The following CATSPERE variants were observed in gnomAD, a reference collection of about 807,000 sequenced individuals.
CATSPERE encodes catsper channel auxiliary subunit epsilon.
Under a neutral mutation model 114.1 loss-of-function variants are expected in CATSPERE, and 93 were observed. The observed-to-expected ratio is 0.81, with a 90% CI of 0.69 to 0.97. The LOEUF (loss-of-function observed/expected upper bound fraction) is 0.97. CATSPERE is among the 50% of genes least tolerant of loss of function. CATSPERE has a pLI of 0.00. For missense variants in CATSPERE, 1,058 were observed against 1,131.6 expected (o/e 0.93, Z 0.93); for synonymous variants, 341 against 384.1 (o/e 0.89, Z 1.31).
intron 9 of CATSPERE, 60 bp downstream of exon 9, chr1:244,552,874 A>G: frequency 1.1e-6 from 1 of 913,418 alleles, no homozygotes; most frequent in Non-Finnish European, 1.4e-6. Context: ...GGTATTTACC[A>G]TACCATTTAC....
intron 20 of CATSPERE, among the ~76,000 whole-genome samples, chr1:244,625,277 A>G (rs1672961033): frequency 6.6e-6 from 1 of 150,652 alleles, no homozygotes; most frequent in Non-Finnish European, 1.5e-5. Flanking sequence ...TGAAAACAAC[A>G]TTGATCTTGA....
chr1:244,535,119 C>G (rs989871169), intron 8 of CATSPERE, among the ~76,000 whole-genome samples: 5 of 152,226 alleles, frequency 3.3e-5, no homozygotes, highest in African/African-American at 1.2e-4. Context: ...CAGAATCTCT[C>G]TCTCTCTCTC....
chr1:244,626,011 C>T (rs1673151899), intron 20 of CATSPERE, among the ~76,000 whole-genome samples: 2 of 152,074 alleles, frequency 1.3e-5, no homozygotes, highest in Non-Finnish European at 2.9e-5. Flanking sequence ...TTTGTTATTC[C>T]ACTTATAGAG....
intron 8 of CATSPERE, among the ~76,000 whole-genome samples, chr1:244,538,407 G>A (rs993228877): frequency 6.6e-6 from 1 of 152,146 alleles, no homozygotes; most frequent in Non-Finnish European, 1.5e-5. Context: ...GTAGTGTTTA[G>A]CAATTCTGTT....
intron 20 of CATSPERE, among the ~76,000 whole-genome samples, chr1:244,624,253 G>A (rs1672801882): frequency 6.6e-6 from 1 of 151,446 alleles, no homozygotes; most frequent in Admixed American, 6.6e-5. Flanking sequence ...TTACAGGCGT[G>A]AGCCACCACG....
intron 4 of CATSPERE, among the ~76,000 whole-genome samples, chr1:244,479,078 C>CCTTTCCTTTT (rs1669845794): frequency 6.6e-6 from 1 of 151,064 alleles, no homozygotes; most frequent in Admixed American, 6.6e-5. Flanking sequence ...TAAGGGACTC[C>CCTTTCCTTTT]CTTTCCTTTT....
At chr1:244,595,047 T>C (rs76210158) in intron 17 of CATSPERE, among the ~76,000 whole-genome samples, 6,198 of 152,270 alleles carry the variant, frequency 0.041, 160 homozygotes, top group Admixed American at 0.081. Context: ...TCGTGTTTGT[T>C]TATGTAATGC....
chr1:244,524,433 G>T (rs981378753), intron 8 of CATSPERE, among the ~76,000 whole-genome samples: 1 of 150,964 alleles, frequency 6.6e-6, no homozygotes, highest in Admixed American at 6.6e-5. Flanking sequence ...CGTGGGCAAG[G>T]ACTTCATGTC....
intron 19 of CATSPERE, among the ~76,000 whole-genome samples, chr1:244,613,587 A>AAT (rs1228450906): frequency 6.6e-6 from 1 of 152,202 alleles, no homozygotes; most frequent in African/African-American, 2.4e-5. Context: ...GTGAGAAGGC[A>AAT]ATATTCAACC....
intron 20 of CATSPERE, among the ~76,000 whole-genome samples, chr1:244,625,720 C>A (rs1006625718): frequency 2.6e-5 from 4 of 151,334 alleles, no homozygotes; most frequent in Admixed American, 2.6e-4. Context: ...AGCCACCGCG[C>A]CTGGCCTATT....
chr1:244,591,917 A>G (rs1474127847), intron 15 of CATSPERE, among the ~76,000 whole-genome samples, 186 bp downstream of exon 15: 1 of 152,248 alleles, frequency 6.6e-6, no homozygotes, highest in African/African-American at 2.4e-5. Flanking sequence ...TACAAGAGTC[A>G]GTCTTCCCCC....
intron 11 of CATSPERE, among the ~76,000 whole-genome samples, chr1:244,574,676 A>C (rs577411913): frequency 1.4e-4 from 21 of 152,148 alleles, no homozygotes; most frequent in African/African-American, 5.1e-4. Flanking sequence ...TATTTGGCAG[A>C]GTGTTCAGTA....
chr1:244,518,458 T>C, intron 7 of CATSPERE, 134 bp from the exon 8 acceptor site: 1 of 592,276 alleles, frequency 1.7e-6, no homozygotes, highest in Non-Finnish European at 3.0e-6. Context: ...CAAAGCTGAA[T>C]CTTGAGCACA....
Position 244,625,433 on chromosome 1 carries a change from T to TA in CATSPERE, c.2648+7747_2648+7748insA, listed in dbSNP as rs1229243531. Among the ~76,000 whole-genome samples the TA allele has an allele frequency of 7.3e-4, 12 of 16,368 alleles. 1 individual carries two copies. The highest frequency in any genetic ancestry group is 2.6e-3 in the African/African-American group (12 of 4,588). The allele number at this position is 16,368 out of a possible 152,430, so 10.7% of individuals were successfully genotyped here. A position where few individuals can be genotyped will look rare whatever the true frequency, so the allele number is the denominator to read the frequency against. ...ATATATATATATATATATATATATA[T>TA]TTTTTTTTTTTTTTGAGATGGAGTC... On this transcript the variant is annotated intron_variant, in intron 20 of 21. Coordinates refer to ENST00000366534, the MANE Select transcript of CATSPERE (RefSeq NM_001130957.2).
chr1:244,561,248 G>A (rs12217134), intron 10 of CATSPERE, 103 bp downstream of exon 10: 115,899 of 818,866 alleles, frequency 0.14, 12,535 homozygotes, highest in East Asian at 0.39. Context: ...GGCGTTTTTG[G>A]CAGCCAAAGG....
upstream of CATSPERE, among the ~76,000 whole-genome samples, chr1:244,458,588 C>A (rs1046593117): frequency 2.0e-5 from 3 of 152,072 alleles, no homozygotes; most frequent in East Asian, 5.8e-4. Flanking sequence ...CATTGCTAAA[C>A]CTTTTGTTTT....
At chr1:244,461,856 C>G (rs764862585) in intron 1 of CATSPERE, among the ~76,000 whole-genome samples, 1 of 152,180 alleles carries the variant, frequency 6.6e-6, no homozygotes, top group Non-Finnish European at 1.5e-5. Flanking sequence ...CTCCGTTGCC[C>G]AGGCTGCAAT....
intron 20 of CATSPERE, among the ~76,000 whole-genome samples, chr1:244,620,978 T>G (rs994771168): frequency 1.4e-5 from 2 of 140,354 alleles, no homozygotes; most frequent in Non-Finnish European, 3.0e-5. Context: ...GATACATGCC[T>G]GAATCAATCT....
At chr1:244,478,453 C>T (rs1169253623) in intron 4 of CATSPERE, among the ~76,000 whole-genome samples, 2 of 152,204 alleles carry the variant, frequency 1.3e-5, no homozygotes. Context: ...CATTTTAATA[C>T]ACTGGCATTT....
Sources: allele counts gnomAD v4.1 joint callset (sites outside exome capture counted in the v4.1 genomes callset), GRCh38; gene constraint gnomAD v4.1.1; transcripts MANE v1.5; gene names NCBI Gene and HGNC (gene_info 2026-07-23, HGNC 2026-07-21).